EXOC4: variants seen among roughly 807,000 people sequenced by gnomAD.
The protein encoded by EXOC4 is SEC8-like 1.
A neutral mutation model predicts 107.2 loss-of-function variants in EXOC4; 71 were observed. The observed-to-expected ratio is 0.66, with a 90% CI of 0.55 to 0.81. The LOEUF is 0.81. Ranked by LOEUF, EXOC4 falls within the 30% of genes least tolerant of loss-of-function variation. The pLI is 0.00. For missense variants in EXOC4, 1,108 were observed against 1,189.6 expected, an observed-to-expected ratio of 0.93 and a Z score of 1.01; for synonymous variants, 456 against 441.2, an observed-to-expected ratio of 1.03 and a Z score of -0.42.
At chr7:133,671,097 CA>C (rs1017064166) in intron 10 of EXOC4, among the ~76,000 whole-genome samples, 1 of 152,104 alleles carries the variant, frequency 6.6e-6, no homozygotes, top group Non-Finnish European at 1.5e-5. Context: ...TACCTGAAGA[CA>C]AGTGAGCAAG....
intron 9 of EXOC4, among the ~76,000 whole-genome samples, chr7:133,601,642 G>C (rs1801809355): frequency 6.6e-6 from 1 of 152,194 alleles, no homozygotes; most frequent in Non-Finnish European, 1.5e-5. Flanking sequence ...CTAGAAGTGG[G>C]AGTGGAGCAG....
intron 7 of EXOC4, among the ~76,000 whole-genome samples, chr7:133,467,828 G>A (rs1798770304): frequency 6.6e-6 from 1 of 151,666 alleles, no homozygotes; most frequent in Non-Finnish European, 1.5e-5. Context: ...TGATCTTGAA[G>A]GCTTTTTTTG....
intron 5 of EXOC4, among the ~76,000 whole-genome samples, chr7:133,317,752 G>C (rs1418366737): frequency 6.6e-6 from 1 of 151,828 alleles, no homozygotes; most frequent in African/African-American, 2.4e-5. Flanking sequence ...CACGATTTTG[G>C]CTCTCTGCAA....
chr7:133,759,874 C>G (rs1258474677), intron 10 of EXOC4, among the ~76,000 whole-genome samples: 1 of 152,176 alleles, frequency 6.6e-6, no homozygotes, highest in Non-Finnish European at 1.5e-5. Context: ...GCCTACTCAC[C>G]TGCTTTCCAG....
intron 11 of EXOC4, among the ~76,000 whole-genome samples, chr7:133,824,465 A>G (rs1337230137): frequency 2.6e-5 from 4 of 152,148 alleles, no homozygotes; most frequent in Non-Finnish European, 5.9e-5. Context: ...TGTGACAGCA[A>G]GAGATGATAT....
At chr7:133,748,293 T>A (rs368351767) in intron 10 of EXOC4, among the ~76,000 whole-genome samples, 2 of 152,182 alleles carry the variant, frequency 1.3e-5, no homozygotes, top group South Asian at 4.1e-4. Context: ...GATACAGTTT[T>A]GAAGAAAGAC....
chr7:134,082,013 C>T, the EXOC4 span, among the ~76,000 whole-genome samples: 1 of 152,120 alleles, frequency 6.6e-6, no homozygotes, highest in South Asian at 2.1e-4. Flanking sequence ...AGGTTGTTAC[C>T]AGAAAGTGGT....
chr7:133,431,861 CTTTAT>C (rs1020326239), intron 7 of EXOC4, among the ~76,000 whole-genome samples: 3 of 152,192 alleles, frequency 2.0e-5, no homozygotes, highest in Non-Finnish European at 4.4e-5. Context: ...TTGACAAAGA[CTTTAT>C]TTTATAAGGC....
chr7:133,953,643 C>T (rs1169703261), intron 14 of EXOC4, among the ~76,000 whole-genome samples: 1 of 151,866 alleles, frequency 6.6e-6, no homozygotes, highest in Non-Finnish European at 1.5e-5. Flanking sequence ...GAGAAAGACC[C>T]TGTCTCAAAA....
chr7:133,446,549 G>C (rs139980952), intron 7 of EXOC4, among the ~76,000 whole-genome samples: 3 of 152,238 alleles, frequency 2.0e-5, no homozygotes, highest in South Asian at 2.1e-4. Context: ...TCAGTCCAGC[G>C]ACCTGTCTGC....
At chr7:133,945,089 G>A (rs1349640218) in intron 14 of EXOC4, among the ~76,000 whole-genome samples, 1 of 152,158 alleles carries the variant, frequency 6.6e-6, no homozygotes, top group East Asian at 1.9e-4. Context: ...GTTATAATCA[G>A]TTAGAGAGCT....
chr7:133,718,739 A>G (rs1171533545), intron 10 of EXOC4, among the ~76,000 whole-genome samples: 2 of 152,144 alleles, frequency 1.3e-5, no homozygotes, highest in Non-Finnish European at 2.9e-5. Flanking sequence ...TAAAATAGCC[A>G]TGTAACACAT....
chr7:134,084,918 T>C, the EXOC4 span, among the ~76,000 whole-genome samples: 1 of 544 alleles, frequency 1.8e-3, no homozygotes, highest in African/African-American at 7.1e-3. Flanking sequence ...AACAAATTTA[T>C]AGACAAAAAA....
chr7:133,533,858 C>T (rs755037117), intron 9 of EXOC4, among the ~76,000 whole-genome samples: 19 of 152,090 alleles, frequency 1.2e-4, no homozygotes, highest in East Asian at 3.9e-4. Flanking sequence ...TCTGTTTCCC[C>T]GATGTGTTAA....
intron 7 of EXOC4, among the ~76,000 whole-genome samples, chr7:133,413,479 A>G (rs1200605381): frequency 6.6e-6 from 1 of 152,042 alleles, no homozygotes; most frequent in Non-Finnish European, 1.5e-5. Flanking sequence ...ATAGACTCAC[A>G]TTGGGATTTT....
At chr7:134,000,599 A>G (rs1334855748) in intron 15 of EXOC4, among the ~76,000 whole-genome samples, 1 of 152,222 alleles carries the variant, frequency 6.6e-6, no homozygotes, top group Non-Finnish European at 1.5e-5. Flanking sequence ...CTGTTTTTAC[A>G]TAGCAGTCCA....
intron 10 of EXOC4, among the ~76,000 whole-genome samples, chr7:133,708,800 TTGTC>T (rs1423066717): frequency 6.6e-6 from 1 of 152,216 alleles, no homozygotes; most frequent in Non-Finnish European, 1.5e-5. Context: ...AGCATCTTGT[TTGTC>T]TGTCAGTCAT....
chr7:133,814,219 A>G (rs1166655453), intron 10 of EXOC4, among the ~76,000 whole-genome samples: 1 of 152,188 alleles, frequency 6.6e-6, no homozygotes, highest in Non-Finnish European at 1.5e-5. Flanking sequence ...TAAAATAAAC[A>G]AATGGGTATA....
chr7:133,291,917 A>G (rs1283316054), intron 3 of EXOC4, among the ~76,000 whole-genome samples: 1 of 148,434 alleles, frequency 6.7e-6, no homozygotes, highest in Non-Finnish European at 1.5e-5. Context: ...ATATGCATGG[A>G]TCTGTTTCTG....
Sources: gnomAD v4.1 joint callset for allele counts (sites outside exome capture counted in the v4.1 genomes callset) on GRCh38, gnomAD v4.1.1 for gene constraint, MANE v1.5 for transcripts, NCBI Gene and HGNC (gene_info 2026-07-23, HGNC 2026-07-21) for gene names.